Variants in UNC5D observed in about 807,000 individuals in gnomAD.
UNC5D encodes the protein unc-5 netrin receptor D.
In UNC5D, 39 loss-of-function variants were observed where a neutral mutation model predicts 105.4. The observed-to-expected ratio is 0.37, with a 90% confidence interval of 0.29 to 0.48. The LOEUF (loss-of-function observed/expected upper bound fraction) is 0.48. Among genes scored for constraint, UNC5D ranks in the 20% least tolerant of loss-of-function variants. The pLI is 0.98. For missense variants in UNC5D, 991 were observed against 1,202.4 expected (o/e 0.82, Z 2.60); for synonymous variants, 452 against 450.4 (o/e 1.00, Z -0.04).
chr8:35,335,988 C>A (rs751152577), intron 1 of UNC5D, among the ~76,000 whole-genome samples: 1 of 152,030 alleles, frequency 6.6e-6, no homozygotes, highest in Non-Finnish European at 1.5e-5. Flanking sequence ...TGGTGTCGAT[C>A]TCCTGACCTC....
chr8:35,576,643 C>T (rs957562210), intron 3 of UNC5D, among the ~76,000 whole-genome samples: 1 of 152,118 alleles, frequency 6.6e-6, no homozygotes, highest in African/African-American at 2.4e-5. Flanking sequence ...GACAGAGTCT[C>T]ACTCTGTCAC....
At chr8:35,767,683 G>A (rs77086299) in intron 15 of UNC5D, among the ~76,000 whole-genome samples, 6,810 of 152,260 alleles carry the variant, frequency 0.045, 379 homozygotes, top group African/African-American at 0.13. Context: ...GGAAATAGAA[G>A]TGCAAAGAGA....
At chr8:35,735,975 G>A (rs1300210505) in intron 11 of UNC5D, among the ~76,000 whole-genome samples, 1 of 152,164 alleles carries the variant, frequency 6.6e-6, no homozygotes, top group Non-Finnish European at 1.5e-5. Flanking sequence ...TAAGAATGGA[G>A]TTTTTATGAT....
intron 1 of UNC5D, among the ~76,000 whole-genome samples, chr8:35,393,970 TCTC>T (rs1239170639): frequency 2.0e-5 from 3 of 152,160 alleles, no homozygotes; most frequent in Admixed American, 6.5e-5. Context: ...TTCCCTTTCT[TCTC>T]CTTCTCCTTC....
intron 11 of UNC5D, among the ~76,000 whole-genome samples, chr8:35,735,907 C>T (rs904843255): frequency 2.6e-5 from 4 of 152,158 alleles, no homozygotes; most frequent in Admixed American, 2.6e-4. Flanking sequence ...AAAAAGAAAG[C>T]AGGTATATAT....
chr8:35,666,316 C>T (rs1031498555), intron 4 of UNC5D, among the ~76,000 whole-genome samples: 8 of 151,836 alleles, frequency 5.3e-5, no homozygotes, highest in Admixed American at 3.3e-4. Context: ...TGGACTAATC[C>T]GTACATTGCA....
chr8:35,301,204 C>T (rs557398916), intron 1 of UNC5D, among the ~76,000 whole-genome samples: 51 of 151,262 alleles, frequency 3.4e-4, no homozygotes, highest in African/African-American at 1.1e-3. Context: ...CGAAGGGGTC[C>T]AAAAAGGATA....
intron 1 of UNC5D, among the ~76,000 whole-genome samples, chr8:35,271,680 TATGTATACATGTATAC>T (rs55976043): frequency 7.4e-5 from 6 of 80,986 alleles, no homozygotes; most frequent in African/African-American, 2.7e-4. Flanking sequence ...TATACATATA[TATGTATACATGTATAC>T]ATGTATACAT....
At chr8:35,345,590 A>G (rs894117834) in intron 1 of UNC5D, among the ~76,000 whole-genome samples, 60 of 152,190 alleles carry the variant, frequency 3.9e-4, no homozygotes, top group African/African-American at 1.3e-3. Flanking sequence ...TGTGTTGGGC[A>G]TGGGAAGAAG....
At chr8:35,519,103 TC>T (rs1813294128) in intron 1 of UNC5D, among the ~76,000 whole-genome samples, 1 of 152,158 alleles carries the variant, frequency 6.6e-6, no homozygotes, top group Non-Finnish European at 1.5e-5. Context: ...TACTTTTTTT[TC>T]CTTTAGCCTG....
chr8:35,504,271 GCT>G (rs1314887224), intron 1 of UNC5D, among the ~76,000 whole-genome samples: 1 of 152,114 alleles, frequency 6.6e-6, no homozygotes, highest in South Asian at 2.1e-4. Context: ...AGCTGTTTGG[GCT>G]CTCTGTTTTG....
chr8:35,455,279 T>A (rs1808409537), intron 1 of UNC5D, among the ~76,000 whole-genome samples: 1 of 147,228 alleles, frequency 6.8e-6, no homozygotes, highest in Admixed American at 6.6e-5. Context: ...TAGGAATGGA[T>A]ACTTTTTTTT....
chr8:35,706,481 C>T (rs758537043), intron 8 of UNC5D, among the ~76,000 whole-genome samples: 1 of 152,126 alleles, frequency 6.6e-6, no homozygotes, highest in Non-Finnish European at 1.5e-5. Context: ...GAGGCCTTTG[C>T]ATTGTCTTCA....
intron 1 of UNC5D, among the ~76,000 whole-genome samples, chr8:35,393,290 C>T (rs955715566): frequency 1.9e-4 from 28 of 151,332 alleles, no homozygotes; most frequent in Admixed American, 1.1e-3. Flanking sequence ...CCCGCCACCT[C>T]GCCCGGCTAA....
chr8:35,249,871 T>C (rs1296622540), intron 1 of UNC5D, among the ~76,000 whole-genome samples: 3 of 152,052 alleles, frequency 2.0e-5, no homozygotes. Flanking sequence ...GTCTTGCTGC[T>C]AGAAATAGTG....
chr8:35,380,133 G>A (rs1236774228), intron 1 of UNC5D, among the ~76,000 whole-genome samples: 1 of 144,146 alleles, frequency 6.9e-6, no homozygotes, highest in African/African-American at 2.6e-5. Flanking sequence ...GACACCGAGA[G>A]AGAGAGACAG....
intron 7 of UNC5D, among the ~76,000 whole-genome samples, chr8:35,690,505 G>C (rs1389534168): frequency 6.6e-6 from 1 of 152,206 alleles, no homozygotes; most frequent in Non-Finnish European, 1.5e-5. Context: ...AGACATGGTG[G>C]CTTATGCCTG....
intron 1 of UNC5D, among the ~76,000 whole-genome samples, chr8:35,308,128 G>GTA (rs1223090073): frequency 2.0e-5 from 3 of 150,286 alleles, no homozygotes; most frequent in Non-Finnish European, 4.4e-5. Flanking sequence ...GTGTGTGTGT[G>GTA]TGTGTGTGTG....
At chr8:35,383,422 G>A (rs1009153392) in intron 1 of UNC5D, among the ~76,000 whole-genome samples, 3 of 152,342 alleles carry the variant, frequency 2.0e-5, no homozygotes, top group African/African-American at 4.8e-5. Flanking sequence ...TAGGCAATGC[G>A]AAAAGTGTTA....
Sources: gnomAD v4.1 joint callset for allele counts (sites outside exome capture counted in the v4.1 genomes callset) on GRCh38, gnomAD v4.1.1 for gene constraint, MANE v1.5 for transcripts, NCBI Gene and HGNC (gene_info 2026-07-23, HGNC 2026-07-21) for gene names.